The following TMCC3 variants were observed in gnomAD, a reference collection of about 807,000 sequenced individuals.
The protein encoded by TMCC3 is transmembrane and coiled-coil domain family 3.
TMCC3 carries 28 observed loss-of-function variants against 40.2 expected under a neutral mutation model. The observed-to-expected ratio is 0.70, with a 90% CI of 0.52 to 0.95. The LOEUF is 0.95. Ranked by LOEUF, TMCC3 falls within the 40% of genes least tolerant of loss-of-function variation. The pLI is 0.00. For missense variants in TMCC3, 554 were observed against 615.2 expected (o/e 0.90, Z 1.05); for synonymous variants, 255 against 248.5 (o/e 1.03, Z -0.25).
At chr12:94,585,574 GT>G (rs1462114847) in intron 1 of TMCC3, among the ~76,000 whole-genome samples, 1 of 152,160 alleles carries the variant, frequency 6.6e-6, no homozygotes, top group Non-Finnish European at 1.5e-5. Context: ...GCACGTGCCT[GT>G]AGTCCCAGCT....
At chr12:94,596,016 T>G (rs946021952) in intron 1 of TMCC3, among the ~76,000 whole-genome samples, 1 of 152,228 alleles carries the variant, frequency 6.6e-6, no homozygotes, top group Non-Finnish European at 1.5e-5. Flanking sequence ...AAAATCATCT[T>G]TTCAAAAGAT....
rs1007298448 is a variant in TMCC3 at position 94,567,484 on chromosome 12, G to A, written c.*3951C>T. The A allele has an allele frequency of 6.6e-6, 1 of 152,058 alleles. No individual in the cohort carries two copies. The highest frequency in any genetic ancestry group is 1.9e-4 in the East Asian group (1 of 5,200). The allele number at this position is 152,058 out of a possible 1,614,324, so 9.4% of individuals were successfully genotyped here. A position where few individuals can be genotyped will look rare whatever the true frequency, so the allele number is the denominator to read the frequency against. ...AAATCATTCCTAAAACAATCAAGGT[G>A]CATTACTTTCTAGCTTCTTATAAAT... On this transcript the variant is annotated 3_prime_UTR_variant, in exon 4 of 4. Transcript: ENST00000261226.
chr12:94,603,916 G>GA (rs5800164), intron 1 of TMCC3, among the ~76,000 whole-genome samples: 139,694 of 152,058 alleles, frequency 0.92, 64,396 homozygotes, highest in Middle Eastern at 0.96. Context: ...ATTCTAGCAA[G>GA]AAAAAAAACC....
At chr12:94,578,181 GA>G (rs369706888) in intron 3 of TMCC3, among the ~76,000 whole-genome samples, 63 of 112,002 alleles carry the variant, frequency 5.6e-4, no homozygotes, top group African/African-American at 1.4e-3. Flanking sequence ...AAAAGAAAAA[GA>G]AAAAAAAAAG....
At chr12:94,591,205 C>T (rs750910336) in intron 1 of TMCC3, 8 of 217,132 alleles carry the variant, frequency 3.7e-5, no homozygotes, top group Non-Finnish European at 7.4e-5. Flanking sequence ...AAAAGAGAAA[C>T]CTGCATACAT....
At chr12:94,646,323 G>GA (rs113065953) in intron 1 of TMCC3, among the ~76,000 whole-genome samples, 7,931 of 149,122 alleles carry the variant, frequency 0.053, 687 homozygotes, top group African/African-American at 0.18. Flanking sequence ...CAACAAAATA[G>GA]AAAAAAATTA....
chr12:94,573,232 G>A (rs753762704), intron 3 of TMCC3, among the ~76,000 whole-genome samples: 53 of 152,042 alleles, frequency 3.5e-4, no homozygotes, highest in Middle Eastern at 3.4e-3. Context: ...CCAACCCGTC[G>A]CCCAGCCACG....
intron 1 of TMCC3, among the ~76,000 whole-genome samples, chr12:94,593,416 A>AG (rs2068693946): frequency 4.8e-5 from 2 of 42,090 alleles, no homozygotes; most frequent in African/African-American, 1.7e-4. Context: ...AGAAGGAAGA[A>AG]GAAGAAGGAA....
rs574592746 is a variant in TMCC3 at position 94,607,455 on chromosome 12, G to A, written c.79-24917C>T. ...CCCTCACAATTTATGTTCAGAGATT[G>A]CAGTAAAGACAGGCATAAGAAATTA... On this transcript the variant is annotated intron_variant, in intron 1 of 3. Coordinates refer to ENST00000261226, the MANE Select transcript of TMCC3 (RefSeq NM_020698.4). 2.0e-5 allele frequency among the ~76,000 whole-genome samples: 3 copies of A among 152,324 alleles called. No individual in the cohort carries two copies. The South Asian group carries it at 6.2e-4, about 32-fold the overall frequency.
chr12:94,644,381 G>A (rs2069007035), intron 1 of TMCC3: 1 of 985,242 alleles, frequency 1.0e-6, no homozygotes, highest in Admixed American at 6.2e-5. Flanking sequence ...GTAGGACTAG[G>A]TTGATTTCTG....
At chr12:94,621,348 G>T (rs1038994254) in intron 1 of TMCC3, among the ~76,000 whole-genome samples, 2 of 152,178 alleles carry the variant, frequency 1.3e-5, no homozygotes, top group Non-Finnish European at 2.9e-5. Flanking sequence ...AGAGCCTTTG[G>T]GGCTGGTGTT....
At chr12:94,620,906 G>A (rs778939749) in intron 1 of TMCC3, among the ~76,000 whole-genome samples, 20 of 152,158 alleles carry the variant, frequency 1.3e-4, no homozygotes, top group Non-Finnish European at 2.5e-4. Context: ...AAACATGCGT[G>A]TTTATACTTA....
intron 1 of TMCC3, among the ~76,000 whole-genome samples, chr12:94,586,641 T>TAAAC (rs111363897): frequency 0.11 from 16,770 of 152,106 alleles, 1,893 homozygotes; most frequent in African/African-American, 0.29. Flanking sequence ...GAGCAGTAAA[T>TAAAC]AAACACCTGT....
At position 94,570,403 on chromosome 12, in the gene TMCC3, AATAAGATGAATCAC is replaced by A. The variant is rs1201613401; in HGVS notation, c.*1018_*1031del. ...CTTTGCAGTCCCTCACAGACCTGTG[AATAAGATGAATCAC>A]ATAAAGTGAATCATATCCTCCAGGG... is the stretch of plus-strand genomic sequence containing the variant. On this transcript the variant is annotated 3_prime_UTR_variant, in exon 4 of 4. Transcript: ENST00000261226. 1.3e-5 allele frequency: 2 copies of A among 152,228 alleles called. No individual in the cohort carries two copies. The highest frequency in any genetic ancestry group is 1.9e-4 in the East Asian group (1 of 5,202). The allele number at this position is 152,228 out of a possible 1,614,324, so 9.4% of individuals were successfully genotyped here. A position where few individuals can be genotyped will look rare whatever the true frequency, so the allele number is the denominator to read the frequency against.
At chr12:94,641,490 G>A (rs1015203388) in intron 1 of TMCC3, among the ~76,000 whole-genome samples, 3 of 152,152 alleles carry the variant, frequency 2.0e-5, no homozygotes, top group South Asian at 2.1e-4. Flanking sequence ...GCTTTTTCTA[G>A]GGGGACGCTT....
At position 94,638,274 on chromosome 12, in the gene TMCC3, C is replaced by G. The variant is rs144299950; in HGVS notation, c.78+12079G>C. On this transcript the variant is annotated intron_variant, in intron 1 of 3. Transcript: ENST00000261226. ...CAACTTGAGCACTTAAGCTGAGTCA[C>G]GTGGGACATGCTCTTTCCCCCATGC... 4.3e-4 allele frequency among the ~76,000 whole-genome samples: 66 copies of G among 152,246 alleles called. 3 individuals carry two copies. The East Asian group carries it at 0.012, about 28-fold the overall frequency.
intron 1 of TMCC3, among the ~76,000 whole-genome samples, chr12:94,614,398 G>T (rs1285669772): frequency 6.6e-6 from 1 of 152,036 alleles, no homozygotes; most frequent in African/African-American, 2.4e-5. Flanking sequence ...TTGCCCCCAG[G>T]CCACAAGTAA....
Position 94,581,824 on chromosome 12 carries a change from C to A in TMCC3, c.793G>T (p.Ala265Ser), listed in dbSNP as rs759024284. 1.1e-5 allele frequency: 17 copies of A among 1,613,882 alleles called. No homozygotes were observed. Among genetic ancestry groups the A allele is most frequent in the African/African-American group, 2.7e-5 (2 of 74,938 alleles). Residue 265 changes from alanine (A) to serine (S), a missense_variant, in exon 2 of 4, where the codon GCC becomes TCC. Transcript: ENST00000261226. Reference sequence around the variant, plus strand: ...AACGACTGGTTTCCGTTACTGTCGGCCGAGCCTGACGTGCCACTCGAACAT... The same window carrying A: ...AACGACTGGTTTCCGTTACTGTCGGACGAGCCTGACGTGCCACTCGAACAT... ...DECSSGTSGS[A>S]DSNGNQSFGA...
At chr12:94,625,466 C>T (rs1000482002) in intron 1 of TMCC3, among the ~76,000 whole-genome samples, 10 of 151,758 alleles carry the variant, frequency 6.6e-5, no homozygotes, top group South Asian at 2.1e-4. Context: ...TGGTGGTGCA[C>T]GCTTGTAGTC....
Sources: allele counts gnomAD v4.1 joint callset (sites outside exome capture counted in the v4.1 genomes callset), GRCh38; gene constraint gnomAD v4.1.1; transcripts MANE v1.5; gene names NCBI Gene and HGNC (gene_info 2026-07-23, HGNC 2026-07-21).